The following LRRC4C variants were observed in gnomAD, a reference collection of about 807,000 sequenced individuals.
LRRC4C encodes the protein leucine rich repeat containing 4C, also known as leucine-rich repeat-containing protein 4C.
A neutral mutation model predicts 33.6 loss-of-function variants in LRRC4C; 5 were observed. The ratio of observed to expected loss-of-function variants is 0.15; its 90% CI spans 0.08 to 0.31. LRRC4C has a LOEUF of 0.31. Ranked by LOEUF, LRRC4C falls within the 10% of genes least tolerant of loss-of-function variation. LRRC4C has a pLI of 1.00. For synonymous variants in LRRC4C, 329 were observed against 302.0 expected, an observed-to-expected ratio of 1.09 and a Z score of -0.93; for missense variants, 560 against 796.7, an observed-to-expected ratio of 0.70 and a Z score of 3.58.
intron 1 of LRRC4C, among the ~76,000 whole-genome samples, chr11:41,137,153 C>A (rs1943300074): frequency 6.6e-6 from 1 of 151,946 alleles, no homozygotes; most frequent in Non-Finnish European, 1.5e-5. Context: ...GACACTGAGG[C>A]ACAAGAATTG....
At chr11:40,892,109 T>C (rs1411621487) in intron 2 of LRRC4C, among the ~76,000 whole-genome samples, 2 of 125,804 alleles carry the variant, frequency 1.6e-5, no homozygotes, top group Non-Finnish European at 3.1e-5. Context: ...CACTCCAGCC[T>C]GGGCGACAGT....
intron 3 of LRRC4C, among the ~76,000 whole-genome samples, chr11:40,608,571 C>T (rs914836496): frequency 6.6e-6 from 1 of 151,958 alleles, no homozygotes; most frequent in African/African-American, 2.4e-5. Context: ...AATTAATTAC[C>T]TTTCCAATCA....
At chr11:40,340,821 T>C (rs1590369014) in intron 3 of LRRC4C, among the ~76,000 whole-genome samples, 1 of 152,284 alleles carries the variant, frequency 6.6e-6, no homozygotes, top group Non-Finnish European at 1.5e-5. Context: ...ATATGTCTCT[T>C]CTAAATGCAG....
chr11:41,265,355 G>C (rs557549108), intron 1 of LRRC4C, among the ~76,000 whole-genome samples: 1 of 152,266 alleles, frequency 6.6e-6, no homozygotes, highest in African/African-American at 2.4e-5. Flanking sequence ...CTATAGCAGA[G>C]AGGACTGGGC....
intron 1 of LRRC4C, among the ~76,000 whole-genome samples, chr11:41,305,087 C>T (rs1443547265): frequency 2.2e-5 from 1 of 45,744 alleles, no homozygotes; most frequent in South Asian, 1.2e-3. Flanking sequence ...CCGCCCCGTC[C>T]GGGAGGGAGG....
chr11:40,151,415 G>T (rs1858198051), intron 5 of LRRC4C, among the ~76,000 whole-genome samples: 1 of 152,116 alleles, frequency 6.6e-6, no homozygotes, highest in Admixed American at 6.6e-5. Context: ...AAGCCTCTAT[G>T]GAACTAGAGT....
rs1014119017 is a variant in LRRC4C, at chr11:40,915,015, A to T, written c.-407+18620T>A. On this transcript the variant is annotated intron_variant, in intron 2 of 6. Coordinates refer to ENST00000528697, the MANE Select transcript of LRRC4C (RefSeq NM_001258419.2). ...GAAGTGAAGGACCTCTTCAAGGAGA[A>T]CTACAAACCACTACTCAAAGAAATA... Among the ~76,000 whole-genome samples, 6 of 152,238 alleles carry T rather than the reference A, an allele frequency of 3.9e-5. No individual in the cohort carries two copies. In the South Asian group the frequency reaches 1.2e-3, roughly 32 times the overall value.
chr11:40,813,521 A>C (rs2135405022), intron 2 of LRRC4C, among the ~76,000 whole-genome samples: 1 of 152,238 alleles, frequency 6.6e-6, no homozygotes, highest in South Asian at 2.1e-4. Flanking sequence ...ATTCAAGATG[A>C]GATTTGGGTG....
chr11:41,234,739 C>A lies in LRRC4C; in HGVS notation c.-496+224692G>T, dbSNP rs115677582. 7.3e-3 allele frequency among the ~76,000 whole-genome samples: 1,116 copies of A among 151,998 alleles called. 15 individuals carry two copies. Among genetic ancestry groups the A allele is most frequent in the African/African-American group, 0.025 (1,027 of 41,508 alleles). ...ATATGAGACCATCTGATAATTATTT[C>A]TCCAAAAACTCAGTGAGGGAAGGAC... On this transcript the variant is annotated intron_variant, in intron 1 of 6. Coordinates refer to ENST00000528697, the MANE Select transcript of LRRC4C (RefSeq NM_001258419.2).
At chr11:40,352,154 CCTTCCTTCCTTCCCTTTCCTT>C (rs1353817269) in intron 3 of LRRC4C, among the ~76,000 whole-genome samples, 2 of 135,832 alleles carry the variant, frequency 1.5e-5, no homozygotes, top group African/African-American at 5.6e-5. Flanking sequence ...TTCCTTCCTT[CCTTCCTTCCTTCCCTTTCCTT>C]CCTTTCCTTC....
At chr11:40,727,383 AC>A (rs1025129029) in intron 2 of LRRC4C, among the ~76,000 whole-genome samples, 1 of 152,132 alleles carries the variant, frequency 6.6e-6, no homozygotes, top group African/African-American at 2.4e-5. Flanking sequence ...ATGAAAAAGA[AC>A]CCCTGTTTTT....
intron 6 of LRRC4C, among the ~76,000 whole-genome samples, chr11:40,133,589 C>T (rs1856790763): frequency 6.6e-6 from 1 of 152,156 alleles, no homozygotes; most frequent in South Asian, 2.1e-4. Context: ...TACCAGGGAA[C>T]TCCAATTCAG....
intron 2 of LRRC4C, among the ~76,000 whole-genome samples, chr11:40,721,676 C>T (rs1198513476): frequency 6.6e-6 from 1 of 152,174 alleles, no homozygotes; most frequent in Admixed American, 6.5e-5. Context: ...TTGGGCTGGG[C>T]GTGGTGGCTC....
chr11:41,342,005 A>G (rs1490746243), intron 1 of LRRC4C, among the ~76,000 whole-genome samples: 1 of 151,442 alleles, frequency 6.6e-6, no homozygotes, highest in Non-Finnish European at 1.5e-5. Flanking sequence ...TCTTGACCTA[A>G]CTTTTCATGA....
chr11:40,235,341 A>T (rs1170708067), intron 5 of LRRC4C, among the ~76,000 whole-genome samples: 5 of 152,216 alleles, frequency 3.3e-5, no homozygotes, highest in African/African-American at 1.2e-4. Context: ...CATAACTATT[A>T]TTTGTGTAAT....
At chr11:40,211,740 C>T (rs1382538435) in intron 5 of LRRC4C, among the ~76,000 whole-genome samples, 1 of 152,122 alleles carries the variant, frequency 6.6e-6, no homozygotes, top group African/African-American at 2.4e-5. Context: ...GGTAAACATT[C>T]CAAGAATGAT....
intron 2 of LRRC4C, among the ~76,000 whole-genome samples, chr11:40,736,313 T>C (rs1047366353): frequency 2.0e-5 from 3 of 152,160 alleles, no homozygotes; most frequent in Non-Finnish European, 4.4e-5. Flanking sequence ...GGTTTCCAGC[T>C]TCATCCATGT....
chr11:41,128,181 T>A lies in LRRC4C; in HGVS notation c.-495-194458A>T, dbSNP rs368401576. 1.2e-4 allele frequency among the ~76,000 whole-genome samples: 19 copies of A among 152,214 alleles called. No individual in the cohort carries two copies. In the East Asian group the frequency reaches 3.5e-3, roughly 28 times the overall value. On this transcript the variant is annotated intron_variant, in intron 1 of 6. Transcript: ENST00000528697. The stretch of plus-strand genomic sequence containing the variant: ...AATGAGTATCATTCAGGCCTTCAAT[T>A]TGAATTTCCCTGGGACATGAGGTTG...
At chr11:40,828,116 A>G (rs1952244045) in intron 2 of LRRC4C, among the ~76,000 whole-genome samples, 2 of 150,548 alleles carry the variant, frequency 1.3e-5, no homozygotes, top group Admixed American at 1.3e-4. Flanking sequence ...ACAAAACGAT[A>G]TGTATACTGC....
Sources: gnomAD v4.1 joint callset for allele counts (sites outside exome capture counted in the v4.1 genomes callset) on GRCh38, gnomAD v4.1.1 for gene constraint, MANE v1.5 for transcripts, NCBI Gene and HGNC (gene_info 2026-07-23, HGNC 2026-07-21) for gene names.